Variants in EML6 observed in about 807,000 individuals in gnomAD.
The protein encoded by EML6 is EMAP like 6.
In EML6, 154 loss-of-function variants were observed where a neutral mutation model predicts 240.1. The observed-to-expected ratio is 0.64, with a 90% CI of 0.56 to 0.73. The LOEUF (loss-of-function observed/expected upper bound fraction) is 0.73. Among genes scored for constraint, EML6 ranks in the 30% least tolerant of loss-of-function variants. The pLI, the probability that EML6 is intolerant of heterozygous loss-of-function variation, is 0.00. For synonymous variants in EML6, 1,148 were observed against 899.0 expected, an observed-to-expected ratio of 1.28 and a Z score of -4.95; for missense variants, 2,964 against 2,474.6, an observed-to-expected ratio of 1.20 and a Z score of -4.20.
At chr2:54,953,612 C>G (rs1484806127) in intron 31 of EML6, among the ~76,000 whole-genome samples, 2 of 152,078 alleles carry the variant, frequency 1.3e-5, no homozygotes, top group Non-Finnish European at 2.9e-5. Context: ...CTTTTGCAGG[C>G]CGGGCGGCAG....
At chr2:54,816,241 C>G (rs1668076957) in intron 3 of EML6, among the ~76,000 whole-genome samples, 1 of 152,144 alleles carries the variant, frequency 6.6e-6, no homozygotes, top group Non-Finnish European at 1.5e-5. Flanking sequence ...GACCTGAACC[C>G]AGGGAATTTA....
chr2:54,950,880 A>T (rs1675940558), intron 30 of EML6, 101 bp downstream of exon 30: 1 of 1,249,108 alleles, frequency 8.0e-7, no homozygotes, highest in Middle Eastern at 2.3e-4. Context: ...TCCTTCCCTT[A>T]TAGAGCCATT....
chr2:54,882,359 T>A (rs1030021881), intron 17 of EML6: 1 of 151,898 alleles, frequency 6.6e-6, no homozygotes, highest in African/African-American at 2.4e-5. Context: ...TGATCTCTTA[T>A]AGAAGTAGTT....
At chr2:54,771,979 C>G (rs1001011421) in intron 2 of EML6, among the ~76,000 whole-genome samples, 1 of 152,214 alleles carries the variant, frequency 6.6e-6, no homozygotes, top group Non-Finnish European at 1.5e-5. Context: ...CTGACAGTCT[C>G]TCATTAAAAT....
At chr2:54,815,812 C>T (rs1044976812) in intron 3 of EML6, among the ~76,000 whole-genome samples, 7 of 152,234 alleles carry the variant, frequency 4.6e-5, no homozygotes, top group Non-Finnish European at 8.8e-5. Flanking sequence ...CTGTCTGTTT[C>T]ATCCACACTG....
At chr2:54,727,899 A>G (rs1682981946) in intron 2 of EML6, among the ~76,000 whole-genome samples, 1 of 152,220 alleles carries the variant, frequency 6.6e-6, no homozygotes, top group Admixed American at 6.5e-5. Flanking sequence ...GATCTCCAAG[A>G]TCATAATGAA....
At chr2:54,893,527 G>T (rs1558658567) in intron 19 of EML6, among the ~76,000 whole-genome samples, 1 of 152,156 alleles carries the variant, frequency 6.6e-6, no homozygotes, top group Non-Finnish European at 1.5e-5. Context: ...TCTTAGTACT[G>T]TTACAGAGGC....
At chr2:54,812,100 C>G (rs1162611844) in intron 2 of EML6, among the ~76,000 whole-genome samples, 3 of 152,080 alleles carry the variant, frequency 2.0e-5, no homozygotes, top group Non-Finnish European at 4.4e-5. Context: ...ACACAAAAGA[C>G]AAAATTTGTA....
chr2:54,968,079 C>A (rs781284105), intron 39 of EML6, 49 bp from the exon 40 acceptor site: 19 of 1,530,584 alleles, frequency 1.2e-5, no homozygotes, highest in African/African-American at 1.2e-4. Context: ...CTGCAAGGAG[C>A]CTTCGCCGTG....
At chr2:54,735,914 T>C (rs1161553094) in intron 2 of EML6, among the ~76,000 whole-genome samples, 1 of 152,182 alleles carries the variant, frequency 6.6e-6, no homozygotes, top group Non-Finnish European at 1.5e-5. Flanking sequence ...GAAGTAGGGC[T>C]TCGAGGGAAG....
chr2:54,795,125 GTA>G (rs1301168908), intron 2 of EML6, among the ~76,000 whole-genome samples: 2 of 152,176 alleles, frequency 1.3e-5, no homozygotes, highest in African/African-American at 4.8e-5. Context: ...TATAAAATGA[GTA>G]TAGTGAGTTT....
intron 28 of EML6, among the ~76,000 whole-genome samples, chr2:54,948,067 T>C (rs973118813): frequency 7.2e-5 from 11 of 152,306 alleles, no homozygotes; most frequent in African/African-American, 2.4e-4. Flanking sequence ...CTTTGGAACA[T>C]GCGGTGGGAG....
intron 10 of EML6, among the ~76,000 whole-genome samples, chr2:54,852,588 C>T (rs1670151093): frequency 6.6e-6 from 1 of 152,146 alleles, no homozygotes; most frequent in South Asian, 2.1e-4. Context: ...TGAGTTACTT[C>T]CTAGGACTGT....
chr2:54,845,335 C>T (rs1009303064), intron 8 of EML6, among the ~76,000 whole-genome samples: 35 of 152,208 alleles, frequency 2.3e-4, no homozygotes, highest in African/African-American at 8.4e-4. Flanking sequence ...TTGAATTTTC[C>T]CGCTTATTCA....
intron 2 of EML6, among the ~76,000 whole-genome samples, chr2:54,767,366 A>G (rs1203111239): frequency 6.6e-6 from 1 of 152,212 alleles, no homozygotes; most frequent in Non-Finnish European, 1.5e-5. Flanking sequence ...AGTAGAATCT[A>G]CTAGATAAAA....
chr2:54,764,929 T>C (rs540922685), intron 2 of EML6, among the ~76,000 whole-genome samples: 62 of 152,220 alleles, frequency 4.1e-4, no homozygotes, highest in Non-Finnish European at 7.5e-4. Context: ...CCACCTGGGA[T>C]TGTTGGCATT....
intron 28 of EML6, among the ~76,000 whole-genome samples, chr2:54,946,332 C>T (rs979834354): frequency 1.3e-5 from 2 of 152,152 alleles, no homozygotes; most frequent in African/African-American, 2.4e-5. Flanking sequence ...CTGCCAATGC[C>T]GGGTTGTGCC....
Position 54,827,797 on chromosome 2 carries a change from G to C in EML6, c.711+46G>C, listed in dbSNP as rs762816931. The C allele has an allele frequency of 1.1e-5, 15 of 1,360,634 alleles. No homozygotes were observed. The African/African-American group carries it at 1.9e-4, about 17-fold the overall frequency. 84.3% of individuals were successfully genotyped at this position (1,360,634 alleles called of 1,614,324 possible). A position where few individuals can be genotyped will look rare whatever the true frequency, so the allele number is the denominator to read the frequency against. ...ATCTGTGGGTGACCTACCAAATAAGGTAAGACCACGAATCCCTCCCTGTAT... is the reference window on the plus strand; with the variant it reads ...ATCTGTGGGTGACCTACCAAATAAGCTAAGACCACGAATCCCTCCCTGTAT... On this transcript the variant is annotated intron_variant, in intron 6 of 41. Transcript: ENST00000356458.
rs539950258 is a variant in EML6, at chr2:54,956,914, G to C, written c.4487-876G>C. On this transcript the variant is annotated intron_variant, in intron 32 of 41. Coordinates refer to ENST00000356458, the MANE Select transcript of EML6 (RefSeq NM_001039753.4). ...TAAAAATAATGAGATTAAAAAAGAG[G>C]TGAGTTTAAAATACAGGCTAAAAGA... Among the ~76,000 whole-genome samples the C allele has an allele frequency of 1.4e-4, 22 of 152,230 alleles. No homozygotes were observed. The South Asian group carries it at 4.6e-3, about 32-fold the overall frequency.
Sources: allele counts gnomAD v4.1 joint callset (sites outside exome capture counted in the v4.1 genomes callset), GRCh38; gene constraint gnomAD v4.1.1; transcripts MANE v1.5; gene names NCBI Gene and HGNC (gene_info 2026-07-23, HGNC 2026-07-21).